The following ZNF704 variants were observed in gnomAD, a reference collection of about 807,000 sequenced individuals.
The protein encoded by ZNF704 is zinc finger protein 704.
A neutral mutation model predicts 44.7 loss-of-function variants in ZNF704; 10 were observed. The ratio of observed to expected loss-of-function variants is 0.22; its 90% CI spans 0.14 to 0.38. The LOEUF (loss-of-function observed/expected upper bound fraction) is 0.38. ZNF704 is among the 10% of genes least tolerant of loss of function. The probability of loss-of-function intolerance (pLI) is 1.00; values close to 1 mark genes in which losing one functional copy is unlikely to be tolerated. For missense variants in ZNF704, 390 were observed against 545.5 expected (o/e 0.71, Z 2.84); for synonymous variants, 211 against 207.6 (o/e 1.02, Z -0.14).
intron 2 of ZNF704, among the ~76,000 whole-genome samples, chr8:80,816,991 T>C (rs1808186998): frequency 6.6e-6 from 1 of 152,158 alleles, no homozygotes. Context: ...GAGAGGTAGT[T>C]TGTATTCTGT....
intron 1 of ZNF704, among the ~76,000 whole-genome samples, chr8:80,849,224 T>C (rs1299685320): frequency 5.3e-5 from 8 of 152,194 alleles, no homozygotes; most frequent in African/African-American, 1.9e-4. Context: ...ATAAACCTCA[T>C]TTATTACAGA....
chr8:80,657,161 G>T (rs1462295796), intron 7 of ZNF704, among the ~76,000 whole-genome samples: 1 of 152,142 alleles, frequency 6.6e-6, no homozygotes, highest in African/African-American at 2.4e-5. Context: ...GAGGAGGACA[G>T]CAGCACCTGC....
intron 7 of ZNF704, among the ~76,000 whole-genome samples, chr8:80,651,807 C>A (rs920757867): frequency 2.6e-5 from 4 of 152,140 alleles, no homozygotes; most frequent in African/African-American, 9.7e-5. Flanking sequence ...CAGCTCTGCA[C>A]CAAGTGGACC....
chr8:80,650,277 G>C (rs947774143), intron 7 of ZNF704, among the ~76,000 whole-genome samples: 4 of 152,182 alleles, frequency 2.6e-5, no homozygotes, highest in African/African-American at 9.6e-5. Context: ...AAGGAACGCA[G>C]CGCAGCTACT....
intron 6 of ZNF704, among the ~76,000 whole-genome samples, chr8:80,663,660 A>C (rs898621154): frequency 1.3e-5 from 2 of 152,220 alleles, no homozygotes; most frequent in African/African-American, 4.8e-5. Flanking sequence ...TCCATTTAGA[A>C]GGCAGGGCAT....
At chr8:80,781,796 TGTGCTGGAGCA>T (rs1201014461) in intron 2 of ZNF704, among the ~76,000 whole-genome samples, 1 of 152,180 alleles carries the variant, frequency 6.6e-6, no homozygotes, top group Non-Finnish European at 1.5e-5. Flanking sequence ...TGAGGGCCAT[TGTGCTGGAGCA>T]GTGATTGGCA....
intron 2 of ZNF704, among the ~76,000 whole-genome samples, chr8:80,790,319 G>C (rs962483116): frequency 6.6e-6 from 1 of 152,166 alleles, no homozygotes; most frequent in African/African-American, 2.4e-5. Context: ...CCCTGAACTG[G>C]ACCTTGGTTA....
At chr8:80,789,621 A>G (rs955322905) in intron 2 of ZNF704, among the ~76,000 whole-genome samples, 3 of 152,106 alleles carry the variant, frequency 2.0e-5, no homozygotes, top group Non-Finnish European at 4.4e-5. Flanking sequence ...GTATGCCTGC[A>G]GTCCCAGTTA....
chr8:80,719,673 AT>A (rs1401704671), intron 2 of ZNF704, among the ~76,000 whole-genome samples: 1 of 152,156 alleles, frequency 6.6e-6, no homozygotes, highest in Non-Finnish European at 1.5e-5. Flanking sequence ...TTCACTATGA[AT>A]TTTAGTAAAT....
At chr8:80,744,648 A>C (rs1806815319) in intron 2 of ZNF704, among the ~76,000 whole-genome samples, 1 of 152,196 alleles carries the variant, frequency 6.6e-6, no homozygotes, top group Non-Finnish European at 1.5e-5. Context: ...AAGGGCACTC[A>C]ACTGGCACAA....
Position 80,810,031 on chromosome 8 carries a change from T to A in ZNF704, c.221+11343A>T, listed in dbSNP as rs567236174. 7.9e-5 allele frequency among the ~76,000 whole-genome samples: 12 copies of A among 152,296 alleles called. No individual in the cohort carries two copies. In the East Asian group the frequency reaches 2.3e-3, roughly 29 times the overall value. On this transcript the variant is annotated intron_variant, in intron 2 of 8. Transcript: ENST00000327835. The stretch of plus-strand genomic sequence containing the variant: ...CATGGCCTCTTGAACACAGCCCTCT[T>A]CTCTGTTGCTTTTGTACTGGCCAAA...
chr8:80,727,269 T>TG (rs1408231355), intron 2 of ZNF704, among the ~76,000 whole-genome samples: 2 of 152,198 alleles, frequency 1.3e-5, no homozygotes, highest in Non-Finnish European at 2.9e-5. Flanking sequence ...AGGGCCAGAC[T>TG]TACGATCGGC....
intron 7 of ZNF704, among the ~76,000 whole-genome samples, chr8:80,650,647 C>T (rs1817902883): frequency 6.6e-6 from 1 of 152,156 alleles, no homozygotes; most frequent in Admixed American, 6.5e-5. Flanking sequence ...ACAAAGCCTC[C>T]AAGAAATATG....
intron 2 of ZNF704, among the ~76,000 whole-genome samples, chr8:80,817,873 G>A (rs1462092687): frequency 6.6e-6 from 1 of 152,186 alleles, no homozygotes; most frequent in Non-Finnish European, 1.5e-5. Context: ...TGGGAAGGGA[G>A]CAAATCAGGA....
intron 4 of ZNF704, among the ~76,000 whole-genome samples, chr8:80,683,686 G>A (rs1023744417): frequency 6.6e-6 from 1 of 152,226 alleles, no homozygotes; most frequent in Non-Finnish European, 1.5e-5. Flanking sequence ...TTTGGGGGAT[G>A]ATGAAATGAA....
intron 1 of ZNF704, among the ~76,000 whole-genome samples, chr8:80,828,405 A>C (rs1350478235): frequency 6.6e-6 from 1 of 152,178 alleles, no homozygotes; most frequent in Non-Finnish European, 1.5e-5. Flanking sequence ...GTAAATGAGG[A>C]CTGGAGAAAA....
intron 2 of ZNF704, among the ~76,000 whole-genome samples, chr8:80,765,467 C>T (rs1807212515): frequency 6.6e-6 from 1 of 152,178 alleles, no homozygotes; most frequent in African/African-American, 2.4e-5. Context: ...GTCAACTTGG[C>T]ACCCAAACCC....
intron 2 of ZNF704, among the ~76,000 whole-genome samples, chr8:80,770,296 G>A (rs1187460177): frequency 6.6e-6 from 1 of 152,148 alleles, no homozygotes; most frequent in Non-Finnish European, 1.5e-5. Flanking sequence ...TCCTCACGAT[G>A]TCCTATTATA....
At chr8:80,843,804 C>A (rs930494344) in intron 1 of ZNF704, among the ~76,000 whole-genome samples, 1 of 151,898 alleles carries the variant, frequency 6.6e-6, no homozygotes, top group Non-Finnish European at 1.5e-5. Context: ...CTCCTTTTTT[C>A]CCCAGAGATA....
Sources: allele counts gnomAD v4.1 joint callset (sites outside exome capture counted in the v4.1 genomes callset), GRCh38; gene constraint gnomAD v4.1.1; transcripts MANE v1.5; gene names NCBI Gene and HGNC (gene_info 2026-07-23, HGNC 2026-07-21).